Variants in NBR1 observed in about 807,000 individuals in gnomAD.
NBR1 encodes the protein NBR1 autophagy cargo receptor, also known as next to BRCA1 gene 1 protein.
A neutral mutation model predicts 115.5 loss-of-function variants in NBR1; 59 were observed. The observed-to-expected ratio is 0.51, with a 90% CI of 0.41 to 0.63. NBR1 has a LOEUF of 0.63. Ranked by LOEUF, NBR1 falls within the 30% of genes least tolerant of loss-of-function variation. The pLI is 0.00. For synonymous variants in NBR1, 373 were observed against 414.7 expected (o/e 0.90, Z 1.22); for missense variants, 1,043 against 1,150.5 (o/e 0.91, Z 1.35).
chr17:43,203,105 G>A (rs1005308471), intron 19 of NBR1, among the ~76,000 whole-genome samples: 1 of 151,822 alleles, frequency 6.6e-6, no homozygotes, highest in Non-Finnish European at 1.5e-5. Flanking sequence ...GCAGTGAGCT[G>A]AGATTGCACC....
chr17:43,201,754 C>T lies in NBR1; in HGVS notation c.2537C>T (p.Ser846Phe), dbSNP rs2057203331. 6.2e-7 allele frequency: 1 copy of T among 1,601,258 alleles called. No homozygotes were observed. Among genetic ancestry groups the T allele is most frequent in the Non-Finnish European group, 8.6e-7 (1 of 1,168,320 alleles). Residue 846 changes from serine (S) to phenylalanine (F), a missense_variant, in exon 18 of 21, where the codon TCT (serine) becomes TTT (phenylalanine). Ser to Phe is a radical substitution (Grantham distance 155, BLOSUM62 -2). Transcript: ENST00000590996. ...TTACCAGTTACCATACCAGAAGTTT[C>T]TTCAGTCCCTGATCAGATCAGAGGA... is the stretch of plus-strand genomic sequence containing the variant. ...VDLPVTIPEV[S>F]SVPDQIRGEP...
chr17:43,177,840 GGTT>G, intron 2 of NBR1, 93 bp from the exon 3 acceptor site: 1 of 1,108,584 alleles, frequency 9.0e-7, no homozygotes, highest in Non-Finnish European at 1.2e-6. Flanking sequence ...GGGTTATTAA[GGTT>G]GTTTGTTGTT....
At chr17:43,191,080 C>A (rs955388031) in intron 9 of NBR1, among the ~76,000 whole-genome samples, 7 of 151,966 alleles carry the variant, frequency 4.6e-5, no homozygotes, top group East Asian at 3.8e-4. Flanking sequence ...AGCAAGATCC[C>A]GCCTCTACAA....
At chr17:43,191,679 C>A in intron 10 of NBR1, 98 bp downstream of exon 10, 1 of 746,868 alleles carries the variant, frequency 1.3e-6, no homozygotes, top group Admixed American at 2.9e-5. Context: ...TAGCCCTTAA[C>A]ACCTAAATCT....
intron 6 of NBR1, among the ~76,000 whole-genome samples, chr17:43,187,929 C>T (rs1437631189): frequency 5.4e-5 from 7 of 128,682 alleles, no homozygotes; most frequent in South Asian, 5.0e-4. Context: ...CTCACTCTGT[C>T]GCCCAGGCTG....
intron 1 of NBR1, among the ~76,000 whole-genome samples, chr17:43,175,504 T>G (rs1597962065): frequency 6.6e-6 from 1 of 152,352 alleles, no homozygotes; most frequent in South Asian, 2.1e-4. Flanking sequence ...TCCACATGTT[T>G]CCAACATGTG....
intron 14 of NBR1, chr17:43,196,120 C>CAA (rs758789830): frequency 8.8e-5 from 10 of 114,122 alleles, no homozygotes; most frequent in Middle Eastern, 4.1e-3. Context: ...GACTGCATCT[C>CAA]AAAAAAAAAA....
At chr17:43,204,856 C>T (rs1026717268) in intron 20 of NBR1, among the ~76,000 whole-genome samples, 1 of 149,908 alleles carries the variant, frequency 6.7e-6, no homozygotes, top group African/African-American at 2.4e-5. Context: ...ACCTACAGTC[C>T]CAGTTACTTG....
At chr17:43,204,999 C>CT (rs2154582435) in intron 20 of NBR1, among the ~76,000 whole-genome samples, 3 of 151,850 alleles carry the variant, frequency 2.0e-5, no homozygotes, top group East Asian at 1.9e-4. Flanking sequence ...AAAAAAGACA[C>CT]TGAGTCTTGC....
intron 5 of NBR1, 52 bp from the exon 6 acceptor site, chr17:43,186,198 T>C: frequency 6.9e-7 from 1 of 1,443,312 alleles, no homozygotes; most frequent in Non-Finnish European, 9.4e-7. Context: ...AAATGTTATT[T>C]AGGAGAAGAT....
intron 17 of NBR1, among the ~76,000 whole-genome samples, chr17:43,201,413 CA>C (rs1404807652): frequency 4.6e-5 from 7 of 152,200 alleles, no homozygotes; most frequent in Non-Finnish European, 7.3e-5. Context: ...CCATTCTCCC[CA>C]AAAGCTAGAC....
chr17:43,203,829 C>A, intron 20 of NBR1, 43 bp downstream of exon 20: 1 of 1,256,136 alleles, frequency 8.0e-7, no homozygotes, highest in South Asian at 1.3e-5. Flanking sequence ...AACTCCATGT[C>A]ACCAGTGAAA....
In NBR1 at chr17:43,189,692, C is replaced by T; in HGVS notation, c.585C>T (p.Val195=). The change falls in exon 8 of 21, where the codon GTC becomes GTT. Residue 195 remains valine (V), a synonymous_variant. Coordinates refer to ENST00000590996, the MANE Select transcript of NBR1 (RefSeq NM_005899.5). ...CCTTGGGTTCTTGTCCCTCAGAAGT[C>T]TCAATGCCTACTTCAGAAGAAACAT... ...NPSLGSCPSE[V]SMPTSEETLF... 1 of 1,613,880 alleles carries T rather than the reference C, an allele frequency of 6.2e-7. No individual in the cohort carries two copies. Among genetic ancestry groups the T allele is most frequent in the South Asian group, 1.1e-5 (1 of 91,084 alleles).
intron 1 of NBR1, among the ~76,000 whole-genome samples, chr17:43,174,020 T>C (rs2056444358): frequency 6.6e-6 from 1 of 152,178 alleles, no homozygotes; most frequent in Non-Finnish European, 1.5e-5. Flanking sequence ...ATGATCAGAA[T>C]AGAAATCTGA....
chr17:43,179,364 A>C (rs771689324), intron 3 of NBR1, 30 bp from the exon 4 acceptor site: 1 of 1,607,212 alleles, frequency 6.2e-7, no homozygotes, highest in South Asian at 1.1e-5. Context: ...AGACACTTAT[A>C]ATTCACTGTT....
chr17:43,195,112 A>C (rs2057037245), intron 14 of NBR1, 73 bp downstream of exon 14: 2 of 1,176,048 alleles, frequency 1.7e-6, no homozygotes, highest in Middle Eastern at 1.9e-4. Context: ...AGACACTGGT[A>C]GTGTTTTATT....
intron 5 of NBR1, among the ~76,000 whole-genome samples, chr17:43,184,397 A>G (rs1386342898): frequency 2.9e-5 from 1 of 34,196 alleles, no homozygotes; most frequent in African/African-American, 5.6e-5. Flanking sequence ...ACAGAGTCTC[A>G]CTTTGTTGCC....
chr17:43,180,295 A>C (rs1005618743), intron 4 of NBR1, among the ~76,000 whole-genome samples: 1 of 152,218 alleles, frequency 6.6e-6, no homozygotes, highest in African/African-American at 2.4e-5. Context: ...CCTAGGATAT[A>C]TGGTATAACC....
In NBR1 at chr17:43,189,700, C is replaced by T. The variant is rs1007192054; in HGVS notation, c.593C>T (p.Pro198Leu). ...LGSCPSEVSM[P>L]TSEETLFLPE... is the part of the protein sequence containing the mutation. ...TCTTGTCCCTCAGAAGTCTCAATGC[C>T]TACTTCAGAAGAAACATTGTTTTTG... is the stretch of plus-strand genomic sequence containing the variant. The change falls in exon 8 of 21, where the codon CCT (proline) becomes CTT (leucine). Residue 198 changes from proline to leucine, a missense_variant. Transcript: ENST00000590996. 12 of 1,613,784 alleles carry T rather than the reference C, an allele frequency of 7.4e-6. No homozygotes were observed. Among genetic ancestry groups the T allele is most frequent in the Non-Finnish European group, 9.3e-6 (11 of 1,179,790 alleles).
Sources: allele counts gnomAD v4.1 joint callset (sites outside exome capture counted in the v4.1 genomes callset), GRCh38; gene constraint gnomAD v4.1.1; transcripts MANE v1.5; gene names NCBI Gene and HGNC (gene_info 2026-07-23, HGNC 2026-07-21).